CWC27: variants seen among roughly 807,000 people sequenced by gnomAD.
The protein encoded by CWC27 is spliceosome-associated protein CWC27 homolog.
CWC27 carries 47 observed loss-of-function variants against 63.6 expected under a neutral mutation model. The observed-to-expected ratio is 0.74, with a 90% CI of 0.58 to 0.94. CWC27 has a LOEUF of 0.94. Ranked by LOEUF, CWC27 falls within the 40% of genes least tolerant of loss-of-function variation. The pLI, the probability that CWC27 is intolerant of heterozygous loss-of-function variation, is 0.00. For synonymous variants in CWC27, 175 were observed against 179.8 expected, an observed-to-expected ratio of 0.97 and a Z score of 0.22; for missense variants, 495 against 554.3, an observed-to-expected ratio of 0.89 and a Z score of 1.07.
At position 65,018,397 on chromosome 5, in the gene CWC27, C is replaced by A; in HGVS notation, c.*76C>A. 7.8e-7 allele frequency: 1 copy of A among 1,279,530 alleles called. No homozygotes were observed. The highest frequency in any genetic ancestry group is 1.1e-6 in the Non-Finnish European group (1 of 924,344). The allele number at this position is 1,279,530 out of a possible 1,614,324, so 79.3% of individuals were successfully genotyped here. A position where few individuals can be genotyped will look rare whatever the true frequency, so the allele number is the denominator to read the frequency against. On this transcript the variant is annotated 3_prime_UTR_variant, in exon 14 of 14. Transcript: ENST00000381070. The stretch of plus-strand genomic sequence containing the variant: ...TTGTAACAGCCATTGTTCCCAACAG[C>A]ATCACTTAGGGGTGTGAAAAGAAGT...
intron 10 of CWC27, among the ~76,000 whole-genome samples, chr5:64,857,193 A>C (rs1029536187): frequency 9.2e-5 from 14 of 152,212 alleles, no homozygotes; most frequent in African/African-American, 9.6e-5. Flanking sequence ...TATTCAATTT[A>C]TTCATCACTG....
chr5:64,975,683 T>A (rs1038977594), intron 12 of CWC27, among the ~76,000 whole-genome samples: 1 of 152,174 alleles, frequency 6.6e-6, no homozygotes, highest in African/African-American at 2.4e-5. Context: ...CACACACTTT[T>A]AAAAAATATA....
chr5:64,852,327 A>AT (rs1349080076), intron 10 of CWC27, among the ~76,000 whole-genome samples: 10 of 152,254 alleles, frequency 6.6e-5, no homozygotes, highest in Non-Finnish European at 8.8e-5. Context: ...AATGAAATAA[A>AT]TGGCTACTAA....
intron 10 of CWC27, among the ~76,000 whole-genome samples, chr5:64,833,079 A>C (rs1017176590): frequency 2.6e-5 from 4 of 151,856 alleles, no homozygotes; most frequent in Non-Finnish European, 5.9e-5. Context: ...GTGAAGTTAC[A>C]TGATTTAAAA....
In CWC27 at chr5:64,786,510, A is replaced by AT. The variant is rs770043078; in HGVS notation, c.496-6dup. 27 of 1,461,850 alleles carry AT rather than the reference A, an allele frequency of 1.8e-5. No individual in the cohort carries two copies. The highest frequency in any genetic ancestry group is 1.8e-4 in the Middle Eastern group (1 of 5,450). The allele number at this position is 1,461,850 out of a possible 1,614,324, so 90.6% of individuals were successfully genotyped here. A position where few individuals can be genotyped will look rare whatever the true frequency, so the allele number is the denominator to read the frequency against. ...AAAAATGGAATAATGTTTTCGAAAT[A>AT]TTTTTTTTCATAGGTTTTGTTTAAT... On this transcript the variant is annotated splice_polypyrimidine_tract_variant and intron_variant, in intron 5 of 13. Coordinates refer to ENST00000381070, the MANE Select transcript of CWC27 (RefSeq NM_005869.4).
At chr5:64,976,036 C>T (rs189899264) in intron 12 of CWC27, among the ~76,000 whole-genome samples, 269 of 152,028 alleles carry the variant, frequency 1.8e-3, no homozygotes, top group African/African-American at 6.1e-3. Flanking sequence ...CCATTGCACT[C>T]CAGCCTGGGC....
At chr5:64,789,227 T>A (rs933007808) in intron 7 of CWC27, among the ~76,000 whole-genome samples, 22 of 152,066 alleles carry the variant, frequency 1.4e-4, no homozygotes, top group African/African-American at 4.3e-4. Context: ...GTTGGCATTT[T>A]AAAAAAATCA....
chr5:64,908,184 G>C (rs531259438), intron 11 of CWC27, among the ~76,000 whole-genome samples: 2 of 152,170 alleles, frequency 1.3e-5, no homozygotes, highest in Non-Finnish European at 2.9e-5. Flanking sequence ...TTTCCATGTA[G>C]TTGTGTGGTT....
chr5:64,970,372 C>T (rs557539269), intron 11 of CWC27, among the ~76,000 whole-genome samples: 1 of 152,154 alleles, frequency 6.6e-6, no homozygotes, highest in Non-Finnish European at 1.5e-5. Context: ...GCCACCACGC[C>T]CGGCTAATTT....
chr5:64,844,209 A>G (rs148197397), intron 10 of CWC27, among the ~76,000 whole-genome samples: 1 of 152,304 alleles, frequency 6.6e-6, no homozygotes, highest in African/African-American at 2.4e-5. Context: ...GCATTCTGAT[A>G]TGCTTCTTAT....
At chr5:64,921,343 C>G (rs1475328107) in intron 11 of CWC27, among the ~76,000 whole-genome samples, 1 of 152,016 alleles carries the variant, frequency 6.6e-6, no homozygotes. Flanking sequence ...AGACTTGCTT[C>G]ATGGCCTAGC....
chr5:64,991,209 A>T (rs1381441371), intron 13 of CWC27, among the ~76,000 whole-genome samples: 1 of 152,210 alleles, frequency 6.6e-6, no homozygotes, highest in East Asian at 1.9e-4. Flanking sequence ...GTAACTTGGG[A>T]TTGTTATCCT....
intron 11 of CWC27, among the ~76,000 whole-genome samples, chr5:64,899,495 T>A (rs1747454120): frequency 6.6e-6 from 1 of 152,140 alleles, no homozygotes; most frequent in Non-Finnish European, 1.5e-5. Context: ...AAAAAGACAA[T>A]TTTTTGAGTA....
At chr5:64,996,926 CAA>C (rs1034266730) in intron 13 of CWC27, among the ~76,000 whole-genome samples, 4 of 152,176 alleles carry the variant, frequency 2.6e-5, no homozygotes, top group African/African-American at 7.2e-5. Context: ...TCAGATAAGG[CAA>C]TGTGATTGTT....
intron 11 of CWC27, among the ~76,000 whole-genome samples, chr5:64,890,927 A>T (rs571064982): frequency 1.3e-5 from 2 of 152,168 alleles, no homozygotes; most frequent in Non-Finnish European, 2.9e-5. Flanking sequence ...TTGGGCTAAC[A>T]ACAAATTTTT....
intron 10 of CWC27, among the ~76,000 whole-genome samples, chr5:64,876,833 G>A (rs1746804709): frequency 6.6e-6 from 1 of 152,028 alleles, no homozygotes; most frequent in Non-Finnish European, 1.5e-5. Flanking sequence ...TGACAGTTAT[G>A]CAAGATACTT....
At chr5:64,799,396 G>T (rs983282123) in intron 7 of CWC27, among the ~76,000 whole-genome samples, 4 of 151,820 alleles carry the variant, frequency 2.6e-5, no homozygotes, top group African/African-American at 7.3e-5. Context: ...GACCATCCTG[G>T]CCAACATGGT....
chr5:64,898,569 T>C (rs1034646918), intron 11 of CWC27, among the ~76,000 whole-genome samples: 2 of 152,136 alleles, frequency 1.3e-5, no homozygotes, highest in Non-Finnish European at 2.9e-5. Flanking sequence ...AAGCAAGATC[T>C]AGTTGCTACG....
intron 10 of CWC27, among the ~76,000 whole-genome samples, chr5:64,845,735 A>G (rs1332426540): frequency 6.6e-6 from 1 of 152,192 alleles, no homozygotes; most frequent in Admixed American, 6.5e-5. Context: ...TATGGGACTT[A>G]TGAGACACCA....
Sources: allele counts gnomAD v4.1 joint callset (sites outside exome capture counted in the v4.1 genomes callset), GRCh38; gene constraint gnomAD v4.1.1; transcripts MANE v1.5; gene names NCBI Gene and HGNC (gene_info 2026-07-23, HGNC 2026-07-21).